The following LARGE1 variants were observed in gnomAD, a reference collection of about 807,000 sequenced individuals.
The protein encoded by LARGE1 is LARGE xylosyl- and glucuronyltransferase 1.
A neutral mutation model predicts 87.6 loss-of-function variants in LARGE1; 43 were observed. The observed-to-expected ratio is 0.49, with a 90% confidence interval of 0.38 to 0.63. The LOEUF (loss-of-function observed/expected upper bound fraction) is 0.63. Among genes scored for constraint, LARGE1 ranks in the 30% least tolerant of loss-of-function variants. LARGE1 has a pLI of 0.00. For missense variants in LARGE1, 802 were observed against 1,000.2 expected, an observed-to-expected ratio of 0.80 and a Z score of 2.67; for synonymous variants, 434 against 394.6, an observed-to-expected ratio of 1.10 and a Z score of -1.18.
chr22:33,792,148 T>C (rs2085843358), intron 1 of LARGE1, among the ~76,000 whole-genome samples: 1 of 152,120 alleles, frequency 6.6e-6, no homozygotes, highest in Non-Finnish European at 1.5e-5. Context: ...GGATTATACT[T>C]GTTAGGAGGT....
intron 6 of LARGE1, among the ~76,000 whole-genome samples, chr22:33,558,168 C>G (rs1316520637): frequency 3.3e-5 from 5 of 152,146 alleles, no homozygotes; most frequent in African/African-American, 4.8e-5. Context: ...ATGTTGAGCC[C>G]TAGAAGGGGG....
intron 11 of LARGE1, among the ~76,000 whole-genome samples, chr22:33,203,019 C>T (rs1924474987): frequency 6.6e-6 from 1 of 151,664 alleles, no homozygotes; most frequent in Admixed American, 6.6e-5. Flanking sequence ...AAAAACATAT[C>T]TCTGAAGTTT....
intron 11 of LARGE1, among the ~76,000 whole-genome samples, chr22:33,266,871 A>T (rs1270650868): frequency 6.6e-6 from 1 of 151,570 alleles, no homozygotes; most frequent in Non-Finnish European, 1.5e-5. Flanking sequence ...CAGAGGAAAA[A>T]AAAAAAAGAG....
chr22:33,068,264 C>A, the LARGE1 span, among the ~76,000 whole-genome samples: 1 of 152,100 alleles, frequency 6.6e-6, no homozygotes, highest in Admixed American at 6.6e-5. Flanking sequence ...AGATTTTTAC[C>A]ACCTTTGAAA....
downstream of LARGE1, among the ~76,000 whole-genome samples, chr22:33,269,961 C>T (rs1240466087): frequency 6.0e-5 from 9 of 150,328 alleles, no homozygotes; most frequent in East Asian, 5.8e-4. Flanking sequence ...GCCGAGATCG[C>T]GCCACTACAC....
intron 1 of LARGE1, among the ~76,000 whole-genome samples, chr22:33,858,176 G>A (rs777860162): frequency 2.0e-5 from 3 of 152,178 alleles, no homozygotes; most frequent in Non-Finnish European, 4.4e-5. Context: ...CAGGAACAAC[G>A]GCAAGCCTTT....
At chr22:33,134,764 T>C in the LARGE1 span, among the ~76,000 whole-genome samples, 1 of 152,180 alleles carries the variant, frequency 6.6e-6, no homozygotes, top group Non-Finnish European at 1.5e-5. Context: ...TGTTTGGGAA[T>C]GTCATCCTTC....
rs374685017 is a variant in LARGE1 at position 33,761,511 on chromosome 22, G to A, written c.-35C>T. 14 of 1,538,342 alleles carry A rather than the reference G, an allele frequency of 9.1e-6. No homozygotes were observed. Among genetic ancestry groups the A allele is most frequent in the South Asian group, 2.2e-5 (2 of 89,612 alleles). ...AGTGGCAATCCCTAATCCCAGCGCC[G>A]TTTCTCTGTCCGGAGCATGAAGTCC... On this transcript the variant is annotated 5_prime_UTR_variant, in exon 2 of 15. In the 5' UTR this introduces an upstream ATG that the reference lacks. Coordinates refer to ENST00000397394, the MANE Select transcript of LARGE1 (RefSeq NM_133642.5).
At chr22:33,072,109 G>A in the LARGE1 span, among the ~76,000 whole-genome samples, 2 of 152,188 alleles carry the variant, frequency 1.3e-5, no homozygotes, top group East Asian at 1.9e-4. Context: ...CATGCAGAAC[G>A]TACTCCTCCC....
chr22:33,913,794 T>A (rs1208211420), intron 1 of LARGE1, among the ~76,000 whole-genome samples: 3 of 152,066 alleles, frequency 2.0e-5, no homozygotes, highest in Non-Finnish European at 4.4e-5. Flanking sequence ...GTGATCCACC[T>A]GCCTCGGCTT....
At chr22:33,149,314 T>A in the LARGE1 span, among the ~76,000 whole-genome samples, 8 of 152,262 alleles carry the variant, frequency 5.3e-5, no homozygotes, top group African/African-American at 1.7e-4. Flanking sequence ...AGTGCTGGGA[T>A]TACAGCCGTG....
chr22:33,487,359 C>T (rs2069633939), intron 6 of LARGE1, among the ~76,000 whole-genome samples: 1 of 152,210 alleles, frequency 6.6e-6, no homozygotes, highest in African/African-American at 2.4e-5. Context: ...CTGATCTCCA[C>T]TCCATGTTGG....
the LARGE1 span, among the ~76,000 whole-genome samples, chr22:33,083,828 G>A: frequency 6.6e-6 from 1 of 152,202 alleles, no homozygotes; most frequent in Non-Finnish European, 1.5e-5. Flanking sequence ...CTTCCACAGT[G>A]AAACAGATTG....
rs181846418 is a variant in LARGE1, at chr22:33,267,105, T to C, written c.1730+37124A>G. ...AAACACAAAAATTAGCCGGGTGTGG[T>C]GGCGTTCGCCTGTAATCCCAGCTAC... is the stretch of plus-strand genomic sequence containing the variant. On this transcript the variant is annotated intron_variant, in intron 11 of 11. Coordinates refer to the LARGE1 transcript ENST00000608642. 2.9e-3 allele frequency among the ~76,000 whole-genome samples: 445 copies of C among 151,718 alleles called. 4 individuals carry two copies. The highest frequency in any genetic ancestry group is 0.014 in the Middle Eastern group (4 of 294).
intron 11 of LARGE1, among the ~76,000 whole-genome samples, chr22:33,208,182 T>G (rs1261185890): frequency 6.6e-6 from 1 of 151,304 alleles, no homozygotes; most frequent in Non-Finnish European, 1.5e-5. Flanking sequence ...GATGCAGGTG[T>G]TCTAGAAAAG....
chr22:33,088,066 A>ACACACACACT, the LARGE1 span, among the ~76,000 whole-genome samples: 2 of 152,042 alleles, frequency 1.3e-5, no homozygotes, highest in Non-Finnish European at 2.9e-5. Context: ...ACACACACAC[A>ACACACACACT]CAAACACACA....
chr22:33,719,767 G>A lies in LARGE1; in HGVS notation c.106+41604C>T, dbSNP rs538531992. ...GATTTCCTGACCTCATAATCTGCCC[G>A]CCTTGGCCTCCCAAAGTACTGGGAT... On this transcript the variant is annotated intron_variant, in intron 2 of 14. Coordinates refer to ENST00000397394, the MANE Select transcript of LARGE1 (RefSeq NM_133642.5). 2.8e-4 allele frequency among the ~76,000 whole-genome samples: 42 copies of A among 152,144 alleles called. 1 individual carries two copies. Among genetic ancestry groups the A allele is most frequent in the Admixed American group, 2.2e-3 (33 of 15,286 alleles).
At chr22:33,724,176 C>G (rs239317) in intron 2 of LARGE1, 152,221 of 152,834 alleles carry the variant, frequency 1, 75,806 homozygotes, top group Middle Eastern at 1. Context: ...GGCTGCGTGG[C>G]TGACAGTGTG....
chr22:33,235,463 A>T (rs1926206106), intron 11 of LARGE1, among the ~76,000 whole-genome samples: 1 of 152,100 alleles, frequency 6.6e-6, no homozygotes, highest in South Asian at 2.1e-4. Context: ...GTTTGGGACA[A>T]GCTTGGTGCA....
Sources: gnomAD v4.1 joint callset for allele counts (sites outside exome capture counted in the v4.1 genomes callset) on GRCh38, gnomAD v4.1.1 for gene constraint, MANE v1.5 for transcripts, NCBI Gene and HGNC (gene_info 2026-07-23, HGNC 2026-07-21) for gene names.